The following GRIN2A variants were observed in gnomAD, a reference collection of about 807,000 sequenced individuals.
The protein encoded by GRIN2A is glutamate ionotropic receptor NMDA type subunit 2A, also known as glutamate receptor ionotropic, NMDA 2A.
Under a neutral mutation model 113.4 loss-of-function variants are expected in GRIN2A, and 22 were observed. That is an observed-to-expected ratio of 0.19 (90% confidence interval 0.14 to 0.28). The LOEUF (loss-of-function observed/expected upper bound fraction) is 0.28, where lower values mean the gene tolerates loss of function less well. Ranked by LOEUF, GRIN2A falls within the 10% of genes least tolerant of loss-of-function variation. The pLI is 1.00. For synonymous variants in GRIN2A, 827 were observed against 738.4 expected (o/e 1.12, Z -1.94); for missense variants, 1,502 against 1,887.0 (o/e 0.80, Z 3.78).
At chr16:10,066,984 G>A (rs2047661622) in intron 2 of GRIN2A, among the ~76,000 whole-genome samples, 1 of 152,164 alleles carries the variant, frequency 6.6e-6, no homozygotes, top group Non-Finnish European at 1.5e-5. Context: ...TGCTACACCA[G>A]CACACTCCCT....
At chr16:9,980,938 T>C (rs1357371670) in intron 2 of GRIN2A, among the ~76,000 whole-genome samples, 1 of 151,162 alleles carries the variant, frequency 6.6e-6, no homozygotes, top group East Asian at 2.0e-4. Flanking sequence ...TGTACACATA[T>C]GTAACAAACC....
chr16:10,092,158 T>G (rs1440265867), intron 2 of GRIN2A, among the ~76,000 whole-genome samples: 1 of 152,226 alleles, frequency 6.6e-6, no homozygotes, highest in Non-Finnish European at 1.5e-5. Flanking sequence ...GAGGAGTCTT[T>G]GGGATTGGAA....
In GRIN2A at chr16:9,764,735, C is replaced by T. The variant is rs769602505; in HGVS notation, c.2809G>A (p.Asp937Asn). Residue 937 changes from aspartate (D) to asparagine (N), a missense_variant, in exon 13 of 13, where the codon GAT becomes AAT. Around this residue, in one of 7 missense-constraint regions of GRIN2A, gnomAD observed 832 missense variants for 789.7 expected, o/e 1.05. Transcript: ENST00000330684. ...TCTGAGTACATCAAATTCCCCTTAT[C>T]TGAAACCATGTCCATGATGAGGGAA... Reference protein sequence around the residue: ...RGSLIMDMVSDKGNLMYSDNR... With the variant: ...RGSLIMDMVSNKGNLMYSDNR... 30 of 1,614,136 alleles carry T rather than the reference C, an allele frequency of 1.9e-5. 1 individual carries two copies. The highest frequency in any genetic ancestry group is 2.5e-5 in the Non-Finnish European group (30 of 1,180,042).
intron 2 of GRIN2A, among the ~76,000 whole-genome samples, chr16:10,158,433 A>T (rs1172291686): frequency 6.6e-6 from 1 of 152,220 alleles, no homozygotes; most frequent in Non-Finnish European, 1.5e-5. Flanking sequence ...AATCCAAAAG[A>T]ATTGAAAACA....
chr16:9,864,767 T>G (rs573197472), intron 4 of GRIN2A, among the ~76,000 whole-genome samples: 1 of 152,162 alleles, frequency 6.6e-6, no homozygotes, highest in Non-Finnish European at 1.5e-5. Flanking sequence ...TGAAAAGTTA[T>G]TGCGTTGTGA....
chr16:10,133,288 T>C (rs1247203477), intron 2 of GRIN2A, among the ~76,000 whole-genome samples: 4 of 152,192 alleles, frequency 2.6e-5, no homozygotes, highest in Admixed American at 6.5e-5. Flanking sequence ...TAACTCACGA[T>C]AGTGTCAAAG....
Position 9,891,041 on chromosome 16 carries a change from T to C in GRIN2A, c.1067A>G (p.Gln356Arg). The change falls in exon 4 of 13, where the codon CAG becomes CGG. Residue 356 changes from glutamine to arginine, a missense_variant. Gln to Arg is a conservative substitution (Grantham distance 43, BLOSUM62 1). Coordinates refer to ENST00000330684, the MANE Select transcript of GRIN2A (RefSeq NM_001134407.3). ...KDLSFTEEGY[Q>R]VHPRLVVIVL... ...AATCACCACCAGCCTGGGGTGCACC[T>C]GGTAGCCTTCCTCAGTGAAGGATAA... The C allele has an allele frequency of 6.2e-7, 1 of 1,613,674 alleles. No homozygotes were observed. Among genetic ancestry groups the C allele is most frequent in the Non-Finnish European group, 8.5e-7 (1 of 1,179,578 alleles).
chr16:9,826,021 G>A (rs577403808), intron 9 of GRIN2A, among the ~76,000 whole-genome samples: 2 of 150,182 alleles, frequency 1.3e-5, no homozygotes, highest in African/African-American at 4.9e-5. Context: ...ATGAGAGGGG[G>A]GAGTGGAAAG....
In GRIN2A at chr16:9,841,084, A is replaced by C. The variant is rs2141345979; in HGVS notation, c.1349T>G (p.Met450Arg). The change falls in exon 6 of 13, where the codon ATG (methionine) becomes AGG (arginine). Residue 450 changes from methionine (M) to arginine (R), a missense_variant. By Grantham distance (91) the Met-to-Arg change is moderately conservative (BLOSUM62 -1). This residue lies in a region of GRIN2A where 334 missense variants were observed against 403.0 expected (regional missense o/e 0.83). Coordinates refer to ENST00000330684, the MANE Select transcript of GRIN2A (RefSeq NM_001134407.3). ...VKINNSTNEG[M>R]NVKKCCKGFC... ...CCCCTTGCAGCATTTCTTCACATTC[A>C]TCCCCTCATTGGTTGAATTGCTGTA... The C allele has an allele frequency of 6.2e-7, 1 of 1,613,736 alleles. No individual in the cohort carries two copies.
At chr16:10,169,916 C>A (rs753894043) in intron 2 of GRIN2A, among the ~76,000 whole-genome samples, 3 of 152,116 alleles carry the variant, frequency 2.0e-5, no homozygotes, top group Admixed American at 1.3e-4. Flanking sequence ...ATGTGGCCTC[C>A]ACATATCCCC....
chr16:9,866,195 C>T (rs1472993876), intron 4 of GRIN2A, among the ~76,000 whole-genome samples: 2 of 152,096 alleles, frequency 1.3e-5, no homozygotes, highest in African/African-American at 4.8e-5. Context: ...TGCTAACAGC[C>T]AAAGGGTGAA....
chr16:10,138,260 A>G (rs2049244323), intron 2 of GRIN2A, among the ~76,000 whole-genome samples: 1 of 152,254 alleles, frequency 6.6e-6, no homozygotes, highest in Admixed American at 6.5e-5. Context: ...TTCGATCACT[A>G]TTCAACTGTG....
Position 9,830,891 on chromosome 16 carries a change from G to A in GRIN2A, c.1778-1239C>T, listed in dbSNP as rs573223883. Among the ~76,000 whole-genome samples the A allele has an allele frequency of 1.2e-3, 178 of 152,300 alleles. 2 individuals carry two copies. Among genetic ancestry groups the A allele is most frequent in the African/African-American group, 4.3e-3 (177 of 41,556 alleles). On this transcript the variant is annotated intron_variant, in intron 8 of 12. Coordinates refer to ENST00000330684, the MANE Select transcript of GRIN2A (RefSeq NM_001134407.3). ...AGGAAATTCTTGGGGAAAACTTAGA[G>A]TTAATCCAGTCAACTTTATGAACGA...
intron 7 of GRIN2A, among the ~76,000 whole-genome samples, chr16:9,836,759 T>G (rs2042589503): frequency 6.6e-6 from 1 of 152,218 alleles, no homozygotes; most frequent in Admixed American, 6.5e-5. Flanking sequence ...AAGCAACATC[T>G]ATAGTGTCTA....
At chr16:10,153,038 C>T (rs143653296) in intron 2 of GRIN2A, among the ~76,000 whole-genome samples, 1 of 152,198 alleles carries the variant, frequency 6.6e-6, no homozygotes, top group African/African-American at 2.4e-5. Context: ...TTTGTTCAAA[C>T]CCATAGAATG....
chr16:10,157,786 C>T (rs2049730080), intron 2 of GRIN2A, among the ~76,000 whole-genome samples: 1 of 152,128 alleles, frequency 6.6e-6, no homozygotes, highest in Admixed American at 6.5e-5. Flanking sequence ...AGAGCCAAAC[C>T]ATATCATATG....
intron 2 of GRIN2A, among the ~76,000 whole-genome samples, chr16:10,134,750 G>A (rs1285683469): frequency 1.3e-5 from 2 of 152,144 alleles, no homozygotes; most frequent in Non-Finnish European, 2.9e-5. Flanking sequence ...TGGGTCTCCT[G>A]AGTATGTCAT....
At chr16:10,077,930 T>C (rs1319892328) in intron 2 of GRIN2A, among the ~76,000 whole-genome samples, 1 of 152,186 alleles carries the variant, frequency 6.6e-6, no homozygotes, top group Non-Finnish European at 1.5e-5. Context: ...CAAGGTAAAC[T>C]CAGGCCTGGA....
intron 2 of GRIN2A, among the ~76,000 whole-genome samples, chr16:9,971,844 GA>G (rs756288474): frequency 1.3e-5 from 2 of 152,118 alleles, no homozygotes; most frequent in Non-Finnish European, 2.9e-5. Context: ...AGGCTCTGTA[GA>G]GTAAAAATAG....
Sources: allele counts gnomAD v4.1 joint callset (sites outside exome capture counted in the v4.1 genomes callset), GRCh38; gene constraint gnomAD v4.1.1; regional missense constraint gnomAD v4.1.1; transcripts MANE v1.5; gene names NCBI Gene and HGNC (gene_info 2026-07-23, HGNC 2026-07-21).